Variants in PRUNE2 observed in about 807,000 individuals in gnomAD.
PRUNE2 encodes prune homolog 2 with BCH domain.
Under a neutral mutation model 252.0 loss-of-function variants are expected in PRUNE2, and 164 were observed. That is an observed-to-expected ratio of 0.65 (90% CI 0.57 to 0.74). The LOEUF (loss-of-function observed/expected upper bound fraction) is 0.74. Among genes scored for constraint, PRUNE2 ranks in the 30% least tolerant of loss-of-function variants. The probability of loss-of-function intolerance (pLI) is 0.00; values close to 1 mark genes in which losing one functional copy is unlikely to be tolerated. For synonymous variants in PRUNE2, 1,292 were observed against 1,350.2 expected, an observed-to-expected ratio of 0.96 and a Z score of 0.94; for missense variants, 3,495 against 3,711.0, an observed-to-expected ratio of 0.94 and a Z score of 1.51.
rs545680149 is a variant in PRUNE2, at chr9:76,636,739, A to G, written c.8964-182T>C. Among the ~76,000 whole-genome samples, 189 of 152,216 alleles carry G rather than the reference A, an allele frequency of 1.2e-3. 2 individuals are homozygous for G. The highest frequency in any genetic ancestry group is 4.5e-3 in the African/African-American group (185 of 41,540). Reference sequence around the variant, plus strand: ...GATCACCTGAGGTCAGGAGTTTGAGACTGGCCTGGCCAACATGTTGAAACC... The same window carrying G: ...GATCACCTGAGGTCAGGAGTTTGAGGCTGGCCTGGCCAACATGTTGAAACC... On this transcript the variant is annotated intron_variant, in intron 14 of 18. Transcript: ENST00000376718.
chr9:76,782,038 C>A (rs915736532), intron 6 of PRUNE2, among the ~76,000 whole-genome samples: 14 of 152,182 alleles, frequency 9.2e-5, no homozygotes, highest in Middle Eastern at 3.4e-3. Context: ...CACGGTGAAA[C>A]CCCATCTCTA....
In PRUNE2 at chr9:76,705,723, G is replaced by A; in HGVS notation, c.6551C>T (p.Ala2184Val). The change falls in exon 8 of 19, where the codon GCC becomes GTC. Residue 2184 changes from alanine to valine, a missense_variant. Physicochemically the swap from Ala to Val is moderately conservative, Grantham distance 64. Coordinates refer to ENST00000376718, the MANE Select transcript of PRUNE2 (RefSeq NM_015225.3). ...QADIKGSSQPASHKGSPEPSE... is the reference protein window; with the variant it reads ...QADIKGSSQPVSHKGSPEPSE... ...AGGTTCAGGTGAACCTTTATGAGAGGCGGGCTGAGAGGAGCCCTTTATGTC... is the reference window on the plus strand; with the variant it reads ...AGGTTCAGGTGAACCTTTATGAGAGACGGGCTGAGAGGAGCCCTTTATGTC... 1 of 1,613,976 alleles carries A rather than the reference G, an allele frequency of 6.2e-7. No homozygotes were observed. The highest frequency in any genetic ancestry group is 8.5e-7 in the Non-Finnish European group (1 of 1,179,870).
At chr9:76,836,259 C>G (rs941255286) in intron 4 of PRUNE2, among the ~76,000 whole-genome samples, 1 of 151,144 alleles carries the variant, frequency 6.6e-6, no homozygotes, top group Non-Finnish European at 1.5e-5. Context: ...TAACTGTTCA[C>G]TTTTGGCACA....
chr9:76,898,055 C>A (rs888508971), intron 1 of PRUNE2, among the ~76,000 whole-genome samples: 1 of 152,142 alleles, frequency 6.6e-6, no homozygotes, highest in Non-Finnish European at 1.5e-5. Context: ...GATGATGAAA[C>A]TGAGACCCGG....
intron 6 of PRUNE2, chr9:76,759,985 C>T (rs1294316301): frequency 2.0e-5 from 3 of 152,292 alleles, no homozygotes; most frequent in African/African-American, 4.8e-5. Flanking sequence ...ACACGTCCTG[C>T]GAGGGCAGTC....
At chr9:76,680,226 A>G (rs1033935115) in intron 9 of PRUNE2, among the ~76,000 whole-genome samples, 2 of 152,220 alleles carry the variant, frequency 1.3e-5, no homozygotes, top group Non-Finnish European at 1.5e-5. Flanking sequence ...CAAAGATGAT[A>G]TGCAAATGGC....
intron 6 of PRUNE2, chr9:76,786,390 C>T (rs1257195978): frequency 6.6e-6 from 1 of 152,436 alleles, no homozygotes; most frequent in Non-Finnish European, 1.5e-5. Context: ...GAGCTGTCAT[C>T]GTCCCCATCT....
chr9:76,706,866 G>C lies in PRUNE2; in HGVS notation c.5408C>G (p.Ser1803Cys), dbSNP rs1470680457. The change falls in exon 8 of 19, where the codon TCT becomes TGT. Residue 1803 changes from serine (S) to cysteine (C), a missense_variant. Transcript: ENST00000376718. ...GTTGDVAWQI[S>C]PKASFPKNED... ...GTTCTTTGGGAACGAAGCTTTGGGA[G>C]ATATTTGCCATGCAACATCTCCTGT... The C allele has an allele frequency of 6.3e-7, 1 of 1,595,024 alleles. No individual in the cohort carries two copies. The highest frequency in any genetic ancestry group is 1.7e-5 in the Admixed American group (1 of 57,614).
chr9:76,709,264 T>C lies in PRUNE2; in HGVS notation c.3010A>G (p.Thr1004Ala), dbSNP rs750791386. ...GGAGGAATGTCAGTCTCCTCTGCCGTGGAGTTACCATCTTTTGACTCAAAA... is the reference window on the plus strand; with the variant it reads ...GGAGGAATGTCAGTCTCCTCTGCCGCGGAGTTACCATCTTTTGACTCAAAA... ...EGFESKDGNS[T>A]AEETDIPPQS... The change falls in exon 8 of 19, where the codon ACG becomes GCG. Residue 1004 changes from threonine to alanine, a missense_variant. By Grantham distance (58) the Thr-to-Ala change is moderately conservative (BLOSUM62 0). Coordinates refer to ENST00000376718, the MANE Select transcript of PRUNE2 (RefSeq NM_015225.3). 3 of 1,613,812 alleles carry C rather than the reference T, an allele frequency of 1.9e-6. No homozygotes were observed. In the South Asian group the frequency reaches 3.3e-5, roughly 18 times the overall value.
At chr9:76,867,307 A>G (rs2060906456) in intron 1 of PRUNE2, among the ~76,000 whole-genome samples, 1 of 149,694 alleles carries the variant, frequency 6.7e-6, no homozygotes, top group African/African-American at 2.5e-5. Context: ...TGTGTTTATG[A>G]CACCATGGGT....
At chr9:76,878,081 T>C (rs547825011) in intron 1 of PRUNE2, among the ~76,000 whole-genome samples, 1 of 152,296 alleles carries the variant, frequency 6.6e-6, no homozygotes, top group South Asian at 2.1e-4. Flanking sequence ...GAAATTGTGT[T>C]CTGCAGAAGA....
At position 76,706,847 on chromosome 9, in the gene PRUNE2, T is replaced by G. The variant is rs372019472; in HGVS notation, c.5427A>C (p.Pro1809=). The part of the protein sequence containing the change: ...AWQISPKASF[P]KNEDNSQLEM... Reference sequence around the variant, plus strand: ...CCAGTTGAGAATTATCTTCGTTCTTTGGGAACGAAGCTTTGGGAGATATTT... The same window carrying G: ...CCAGTTGAGAATTATCTTCGTTCTTGGGGAACGAAGCTTTGGGAGATATTT... Residue 1809 remains proline (P), a synonymous_variant, in exon 8 of 19, where the codon CCA becomes CCC. Transcript: ENST00000376718. 1 of 1,595,256 alleles carries G rather than the reference T, an allele frequency of 6.3e-7. No individual in the cohort carries two copies. Among genetic ancestry groups the G allele is most frequent in the African/African-American group, 1.3e-5 (1 of 74,214 alleles).
chr9:76,741,959 C>T (rs181107508), intron 6 of PRUNE2, among the ~76,000 whole-genome samples: 1 of 152,280 alleles, frequency 6.6e-6, no homozygotes, highest in Admixed American at 6.5e-5. Context: ...ACCAATCTGG[C>T]TGTTTTGACT....
Position 76,641,636 on chromosome 9 carries a change from C to T in PRUNE2, c.8728+3103G>A, listed in dbSNP as rs149288876. Among the ~76,000 whole-genome samples, 14 of 152,174 alleles carry T rather than the reference C, an allele frequency of 9.2e-5. No homozygotes were observed. In the East Asian group the frequency reaches 2.7e-3, roughly 29 times the overall value. ...GTTTCCTGTTGGCAACAGCATAATT[C>T]ATTTGAAGTCTGGTTTTTAAAACAT... On this transcript the variant is annotated intron_variant, in intron 12 of 18. Transcript: ENST00000376718.
intron 1 of PRUNE2, among the ~76,000 whole-genome samples, chr9:76,889,149 G>A (rs557554826): frequency 1.6e-4 from 25 of 152,050 alleles, no homozygotes; most frequent in Non-Finnish European, 3.1e-4. Flanking sequence ...ACCGTGCCCG[G>A]TCGTTTTAAC....
chr9:76,853,097 T>G (rs1388007307), intron 2 of PRUNE2, among the ~76,000 whole-genome samples: 1 of 152,234 alleles, frequency 6.6e-6, no homozygotes, highest in Non-Finnish European at 1.5e-5. Flanking sequence ...ATTTATCTCC[T>G]CATACCAATT....
chr9:76,845,991 G>GT (rs1181473525), intron 4 of PRUNE2, among the ~76,000 whole-genome samples: 4 of 152,204 alleles, frequency 2.6e-5, no homozygotes, highest in African/African-American at 9.6e-5. Context: ...GCTTGAAACA[G>GT]TTTGAGTGAA....
intron 15 of PRUNE2, among the ~76,000 whole-genome samples, chr9:76,629,649 G>C (rs1158732281): frequency 1.3e-5 from 2 of 150,622 alleles, no homozygotes; most frequent in East Asian, 3.9e-4. Context: ...CAATTTTCTA[G>C]GATGCAATAC....
rs773864172 is a variant in PRUNE2 at position 76,708,873 on chromosome 9, T to C, written c.3401A>G (p.Asn1134Ser). Residue 1134 changes from asparagine to serine, a missense_variant, in exon 8 of 19, where the codon AAT becomes AGT. Asn to Ser is a conservative substitution (Grantham distance 46, BLOSUM62 1). Transcript: ENST00000376718. ...QSTATISDMD[N>S]DLDWDDCSGG... is the part of the protein sequence containing the mutation. ...ACTGCAGTCATCCCAGTCCAAATCATTGTCCATATCTGAGATCGTTGCAGT... is the reference window on the plus strand; with the variant it reads ...ACTGCAGTCATCCCAGTCCAAATCACTGTCCATATCTGAGATCGTTGCAGT... 3 of 1,613,974 alleles carry C rather than the reference T, an allele frequency of 1.9e-6. No individual in the cohort carries two copies. The highest frequency in any genetic ancestry group is 2.5e-6 in the Non-Finnish European group (3 of 1,179,888).
Sources: gnomAD v4.1 joint callset for allele counts (sites outside exome capture counted in the v4.1 genomes callset) on GRCh38, gnomAD v4.1.1 for gene constraint, MANE v1.5 for transcripts, NCBI Gene and HGNC (gene_info 2026-07-23, HGNC 2026-07-21) for gene names.